Variants in DOC2A observed in about 807,000 individuals in gnomAD.
DOC2A encodes double C2-like domain-containing protein alpha.
Under a neutral mutation model 40.6 loss-of-function variants are expected in DOC2A, and 28 were observed. The observed-to-expected ratio is 0.69, with a 90% CI of 0.51 to 0.95. DOC2A has a LOEUF of 0.95. Ranked by LOEUF, DOC2A falls within the 40% of genes least tolerant of loss-of-function variation. The pLI, the probability that DOC2A is intolerant of heterozygous loss-of-function variation, is 0.00. For synonymous variants in DOC2A, 241 were observed against 236.9 expected (o/e 1.02, Z -0.16); for missense variants, 474 against 552.5 (o/e 0.86, Z 1.42).
intron 1 of DOC2A, among the ~76,000 whole-genome samples, chr16:30,019,720 G>A (rs377647195): frequency 1.3e-5 from 2 of 152,240 alleles, no homozygotes; most frequent in African/African-American, 2.4e-5. Context: ...CACGAGCCCT[G>A]GCCCAGCGTC....
chr16:30,017,410 G>A (rs572747168), intron 1 of DOC2A, among the ~76,000 whole-genome samples: 23 of 152,240 alleles, frequency 1.5e-4, no homozygotes, highest in Admixed American at 1.2e-3. Flanking sequence ...ACCAACAGTG[G>A]ACTGGATAAA....
chr16:30,009,212 C>G lies in DOC2A; in HGVS notation c.407G>C (p.Gly136Ala). The G allele has an allele frequency of 6.3e-7, 1 of 1,591,842 alleles. No homozygotes were observed. Among genetic ancestry groups the G allele is most frequent in the Non-Finnish European group, 8.6e-7 (1 of 1,167,990 alleles). The change falls in exon 4 of 11, where the codon GGA (glycine) becomes GCA (alanine). Residue 136 changes from glycine to alanine, a missense_variant. Gly to Ala is a moderately conservative substitution (Grantham distance 60). Transcript: ENST00000350119. The surrounding 1 kb of genome is among the most constrained non-coding windows in gnomAD (Gnocchi z 4.1). Reference sequence around the variant, plus strand: ...AGAGGAGGCTGTTACCTTACAGGCTCCAGGCAGCAAGTGCAGCTTGACGTA... The same window carrying G: ...AGAGGAGGCTGTTACCTTACAGGCTGCAGGCAGCAAGTGCAGCTTGACGTA... ...DPYVKLHLLP[G>A]ACKANKLKTK... is the part of the protein sequence containing the mutation.
chr16:30,007,502 A>G, intron 5 of DOC2A: 1 of 670,636 alleles, frequency 1.5e-6, no homozygotes, highest in Non-Finnish European at 2.6e-6. Context: ...GTCCATCAGG[A>G]CATGCTCAGC....
At position 30,010,087 on chromosome 16, in the gene DOC2A, C is replaced by A; in HGVS notation, c.136G>T (p.Gly46Cys). The A allele has an allele frequency of 2.5e-6, 4 of 1,612,548 alleles. No homozygotes were observed. In the South Asian group the frequency reaches 4.4e-5, roughly 18 times the overall value. Reference protein sequence around the residue: ...FPRGPGPEGGGGGGGEAPAHL... With the variant: ...FPRGPGPEGGCGGGGEAPAHL... ...GCGGGGGCCTCCCCGCCGCCCCCGC[C>A]GCCCCCTTCAGGTCCTGGTCCCCGG... Residue 46 changes from glycine to cysteine, a missense_variant, in exon 2 of 11, where the codon GGC (glycine) becomes TGC (cysteine). Physicochemically the swap from Gly to Cys is radical, Grantham distance 159. Transcript: ENST00000350119. The surrounding 1 kb of genome is among the most constrained non-coding windows in gnomAD (Gnocchi z 4.2).
chr16:30,007,308 G>T lies in DOC2A; in HGVS notation c.528-9C>A. 1.2e-6 allele frequency: 2 copies of T among 1,613,706 alleles called. No individual in the cohort carries two copies. The highest frequency in any genetic ancestry group is 1.1e-5 in the South Asian group (1 of 91,084). ...CATCACAGACGGCGATCCTGGTCGG[G>T]AACTGCAGTGTCAGGGCCCCTGGGG... On this transcript the variant is annotated splice_polypyrimidine_tract_variant and intron_variant, in intron 5 of 10. Transcript: ENST00000350119.
chr16:30,006,960 A>C lies in DOC2A; in HGVS notation c.715-12T>G, dbSNP rs200309268. ...TCCGCCTGCTCCAACTGCGGGGCAC[A>C]GACTCAGGGTCAGCCTGGGCCCCTG... is the stretch of plus-strand genomic sequence containing the variant. On this transcript the variant is annotated splice_polypyrimidine_tract_variant and intron_variant, in intron 7 of 10. Transcript: ENST00000350119. The surrounding 1 kb of genome is among the most constrained non-coding windows in gnomAD (Gnocchi z 6.2). The C allele has an allele frequency of 3.4e-4, 543 of 1,613,664 alleles. 1 individual carries two copies. The African/African-American group carries it at 6.3e-3, about 19-fold the overall frequency.
At position 30,017,803 on chromosome 16, in the gene DOC2A, A is replaced by C. The variant is rs1201219910; in HGVS notation, c.-376+3380T>G. 2.6e-5 allele frequency among the ~76,000 whole-genome samples: 4 copies of C among 151,834 alleles called. No homozygotes were observed. In the South Asian group the frequency reaches 6.2e-4, roughly 24 times the overall value. On this transcript the variant is annotated intron_variant, in intron 1 of 5. Transcript: ENST00000574405. ...GAAACCCCATCTCTACTAAAAATAC[A>C]AAAATAATTAAGTGGGCTTGGTGGC...
chr16:30,022,294 G>A (rs1203329158), upstream of DOC2A, among the ~76,000 whole-genome samples: 1 of 149,626 alleles, frequency 6.7e-6, no homozygotes, highest in Non-Finnish European at 1.5e-5. Flanking sequence ...TGCCTCTGAG[G>A]GTCAGTGCAA....
rs890478795 is a variant in DOC2A at position 30,010,356 on chromosome 16, G to A, written c.-13-121C>T. 1 of 1,402,314 alleles carries A rather than the reference G, an allele frequency of 7.1e-7. No homozygotes were observed. The highest frequency in any genetic ancestry group is 1.2e-5 in the South Asian group (1 of 85,654). 86.9% of individuals were successfully genotyped at this position (1,402,314 alleles called of 1,614,324 possible). A position where few individuals can be genotyped will look rare whatever the true frequency, so the allele number is the denominator to read the frequency against. ...GCCTCCCTTCCTAGGTGTCGAGGGAGAGGGTGGTGTGTGCCAGCCGGTGGC... is the reference window on the plus strand; with the variant it reads ...GCCTCCCTTCCTAGGTGTCGAGGGAAAGGGTGGTGTGTGCCAGCCGGTGGC... On this transcript the variant is annotated intron_variant, in intron 1 of 10. Transcript: ENST00000350119. The surrounding 1 kb of genome is among the most constrained non-coding windows in gnomAD (Gnocchi z 4.2).
At position 30,006,870 on chromosome 16, in the gene DOC2A, G is replaced by A. The variant is rs758127824; in HGVS notation, c.793C>T (p.Arg265Cys). The stretch of plus-strand genomic sequence containing the variant: ...AAGATGCCTACCAGCAGTCCCCGGC[G>A]CCGCGAGCTGTAGCTGAGACTCAGC... The part of the protein sequence containing the change: ...ILLSLSYSSR[R>C]RGLLVGILRC... Residue 265 changes from arginine (R) to cysteine (C), a missense_variant, in exon 8 of 11, where the codon CGC becomes TGC. Arg to Cys is a radical substitution (Grantham distance 180). Transcript: ENST00000350119. The surrounding 1 kb of genome is among the most constrained non-coding windows in gnomAD (Gnocchi z 6.2). 1.5e-5 allele frequency: 25 copies of A among 1,613,474 alleles called. No homozygotes were observed. The highest frequency in any genetic ancestry group is 4.5e-5 in the East Asian group (2 of 44,848).
chr16:30,009,834 C>T lies in DOC2A; in HGVS notation c.262+127G>A. Reference sequence around the variant, plus strand: ...ACTGCAGCTGTGGTGGCCGTCCCTGCCACCCCCCCACTGCCCTCCTCCCCT... The same window carrying T: ...ACTGCAGCTGTGGTGGCCGTCCCTGTCACCCCCCCACTGCCCTCCTCCCCT... On this transcript the variant is annotated intron_variant, in intron 2 of 10. Transcript: ENST00000350119. The surrounding 1 kb of genome is among the most constrained non-coding windows in gnomAD (Gnocchi z 4.1). 2.7e-6 allele frequency: 3 copies of T among 1,112,664 alleles called. No individual in the cohort carries two copies. The highest frequency in any genetic ancestry group is 2.7e-6 in the Non-Finnish European group (2 of 750,786). The allele number at this position is 1,112,664 out of a possible 1,614,324, so 68.9% of individuals were successfully genotyped here. A position where few individuals can be genotyped will look rare whatever the true frequency, so the allele number is the denominator to read the frequency against.
rs566245623 is a variant in DOC2A at position 30,019,900 on chromosome 16, A to G, written c.-376+1283T>C. ...TAGGCACGTACCACCATGCCTAGTT[A>G]ATCTTTTTTTTTTTCTTTTTCTTTT... On this transcript the variant is annotated intron_variant, in intron 1 of 5. Transcript: ENST00000574405. 1.0e-3 allele frequency among the ~76,000 whole-genome samples: 150 copies of G among 150,340 alleles called. 1 individual carries two copies. The highest frequency in any genetic ancestry group is 3.6e-3 in the African/African-American group (145 of 40,790).
upstream of DOC2A, among the ~76,000 whole-genome samples, chr16:30,013,259 T>C (rs1017116650): frequency 6.7e-5 from 10 of 149,650 alleles, no homozygotes; most frequent in East Asian, 2.0e-4. Flanking sequence ...CTCTTCTTTT[T>C]TTTTCTTTTC....
chr16:30,017,236 GCCACTGTACT>G (rs550758432), upstream of DOC2A, among the ~76,000 whole-genome samples: 1 of 149,660 alleles, frequency 6.7e-6, no homozygotes, highest in Non-Finnish European at 1.5e-5. Context: ...CCAAGATCAA[GCCACTGTACT>G]CCAGCCTGAG....
At chr16:30,011,161 AGCGCGCACACACACGTGTGCTCGC>A (rs529323033), upstream of DOC2A, 129 of 651,912 alleles carry the variant, frequency 2.0e-4, no homozygotes, top group South Asian at 7.7e-4. Flanking sequence ...AGCGCACGCG[AGCGCGCACACACACGTGTGCTCGC>A]GCGCGCACAC....
In DOC2A at chr16:30,018,956, T is replaced by C. The variant is rs2070884814; in HGVS notation, c.-376+2227A>G. ...GAGAACCATTTGATTTGGCAGATTA[T>C]GAGCTCTTTTGTGGACTTGATCAAA... On this transcript the variant is annotated intron_variant, in intron 1 of 5. Coordinates refer to the DOC2A transcript ENST00000574405. 2.0e-5 allele frequency: 3 copies of C among 152,264 alleles called. No individual in the cohort carries two copies. The South Asian group carries it at 6.2e-4, about 32-fold the overall frequency. The allele number at this position is 152,264 out of a possible 1,614,324, so 9.4% of individuals were successfully genotyped here.
chr16:30,016,020 A>AATATATATATATATATATAT (rs1161591964), upstream of DOC2A, among the ~76,000 whole-genome samples: 4 of 61,168 alleles, frequency 6.5e-5, no homozygotes, highest in African/African-American at 4.8e-4. Flanking sequence ...CCAGCACAAT[A>AATATATATATATATATATAT]ATATATATAT....
upstream of DOC2A, chr16:30,011,161 AGCGCGCACACACACGTGTGCTCGCGCGC>A: frequency 1.5e-6 from 1 of 652,104 alleles, no homozygotes. Context: ...AGCGCACGCG[AGCGCGCACACACACGTGTGCTCGCGCGC>A]GCACACTCAC....
chr16:30,022,209 T>C (rs1315859028), upstream of DOC2A, among the ~76,000 whole-genome samples: 2 of 122,336 alleles, frequency 1.6e-5, no homozygotes, highest in African/African-American at 6.5e-5. Flanking sequence ...ATTGTGCGTC[T>C]GCACTCCAGC....
Sources: allele counts gnomAD v4.1 joint callset (sites outside exome capture counted in the v4.1 genomes callset), GRCh38; gene constraint gnomAD v4.1.1; non-coding constraint Gnocchi (gnomAD v3.1); transcripts MANE v1.5; gene names NCBI Gene and HGNC (gene_info 2026-07-23, HGNC 2026-07-21).